The following FAT3 variants were observed in gnomAD, a reference collection of about 807,000 sequenced individuals.
FAT3 encodes protocadherin Fat 3.
A neutral mutation model predicts 310.2 loss-of-function variants in FAT3; 95 were observed. The observed-to-expected ratio is 0.31, with a 90% CI of 0.26 to 0.36. FAT3 has a LOEUF of 0.36. FAT3 is among the 10% of genes least tolerant of loss of function. The probability of loss-of-function intolerance (pLI) is 1.00; values close to 1 mark genes in which losing one functional copy is unlikely to be tolerated. For synonymous variants in FAT3, 2,314 were observed against 2,192.9 expected, an observed-to-expected ratio of 1.06 and a Z score of -1.54; for missense variants, 5,408 against 5,715.6, an observed-to-expected ratio of 0.95 and a Z score of 1.74.
At chr11:92,683,187 G>A (rs1186218125) in intron 3 of FAT3, among the ~76,000 whole-genome samples, 1 of 151,864 alleles carries the variant, frequency 6.6e-6, no homozygotes, top group Non-Finnish European at 1.5e-5. Context: ...TTCTGAGGAT[G>A]ACAGGAATGG....
chr11:92,387,063 AGTGTGTGTGTGTGTGTGTGTGTGTGTGT>A (rs67529435), intron 2 of FAT3, among the ~76,000 whole-genome samples: 6 of 144,158 alleles, frequency 4.2e-5, no homozygotes, highest in African/African-American at 1.6e-4. Flanking sequence ...TATGGGAGCT[AGTGTGTGTGTGTGTGTGTGTGTGTGTGT>A]GTGTGTGTGT....
chr11:92,409,568 A>C lies in FAT3; in HGVS notation c.3292+54164A>C, dbSNP rs563904024. Among the ~76,000 whole-genome samples the C allele has an allele frequency of 2.0e-5, 3 of 152,244 alleles. No homozygotes were observed. In the East Asian group the frequency reaches 5.8e-4, roughly 29 times the overall value. ...TGTAGAGCACTTGTCAGTTGGTGCT[A>C]TTTAATGTGACAGGAGGAGGAAAAA... On this transcript the variant is annotated intron_variant, in intron 2 of 27. Coordinates refer to ENST00000525166, the MANE Select transcript of FAT3 (RefSeq NM_001367949.2).
chr11:92,373,289 T>C (rs111702091), intron 2 of FAT3, among the ~76,000 whole-genome samples: 4 of 152,320 alleles, frequency 2.6e-5, no homozygotes, highest in East Asian at 3.9e-4. Flanking sequence ...ATTAAACTTA[T>C]GAGGTAGGTA....
At chr11:92,449,528 T>C (rs1224806420) in intron 2 of FAT3, among the ~76,000 whole-genome samples, 1 of 152,034 alleles carries the variant, frequency 6.6e-6, no homozygotes, top group South Asian at 2.1e-4. Flanking sequence ...TCCTTAGAAA[T>C]GAATAGAATG....
chr11:92,674,744 G>A (rs773823159), intron 3 of FAT3, among the ~76,000 whole-genome samples: 2 of 151,978 alleles, frequency 1.3e-5, no homozygotes, highest in Non-Finnish European at 2.9e-5. Context: ...GCTCAGCCTG[G>A]CCTCAAGCTC....
chr11:92,640,101 T>C (rs1157782827), intron 3 of FAT3, among the ~76,000 whole-genome samples: 1 of 152,140 alleles, frequency 6.6e-6, no homozygotes, highest in African/African-American at 2.4e-5. Context: ...TTTGCCCTTT[T>C]TTTCTTTAAA....
At chr11:92,727,635 C>T (rs1945037896) in intron 4 of FAT3, among the ~76,000 whole-genome samples, 1 of 152,074 alleles carries the variant, frequency 6.6e-6, no homozygotes, top group Non-Finnish European at 1.5e-5. Flanking sequence ...TTTGCAGAAC[C>T]GACATAGACC....
chr11:92,266,129 G>A (rs1945939418), intron 1 of FAT3, among the ~76,000 whole-genome samples: 1 of 152,132 alleles, frequency 6.6e-6, no homozygotes, highest in Non-Finnish European at 1.5e-5. Context: ...CTTGCAAGGA[G>A]ATTTATCTTA....
chr11:92,252,989 C>G (rs1215462789), intron 1 of FAT3, among the ~76,000 whole-genome samples: 1 of 152,102 alleles, frequency 6.6e-6, no homozygotes, highest in Non-Finnish European at 1.5e-5. Flanking sequence ...TTTGGCTTTT[C>G]CTAGGCAGCT....
At chr11:92,458,532 C>A (rs181265135) in intron 2 of FAT3, among the ~76,000 whole-genome samples, 8 of 152,190 alleles carry the variant, frequency 5.3e-5, no homozygotes, top group Admixed American at 5.2e-4. Flanking sequence ...TCTGAGAAAC[C>A]CAGTGTTCTT....
At chr11:92,781,775 G>A (rs566440626) in intron 7 of FAT3, among the ~76,000 whole-genome samples, 3 of 152,150 alleles carry the variant, frequency 2.0e-5, no homozygotes, top group Admixed American at 1.3e-4. Context: ...GATGAAATAC[G>A]CTATTACAAG....
At chr11:92,638,944 T>C (rs1330704940) in intron 3 of FAT3, among the ~76,000 whole-genome samples, 1 of 152,216 alleles carries the variant, frequency 6.6e-6, no homozygotes, top group African/African-American at 2.4e-5. Context: ...ATATAAGCCA[T>C]GTCTGACTAA....
At chr11:92,333,758 A>G (rs1477366365) in intron 1 of FAT3, among the ~76,000 whole-genome samples, 1 of 151,896 alleles carries the variant, frequency 6.6e-6, no homozygotes, top group Admixed American at 6.6e-5. Context: ...CCATGAAAAC[A>G]GTAGCAAGGC....
intron 3 of FAT3, among the ~76,000 whole-genome samples, chr11:92,591,933 T>A (rs1939445060): frequency 6.6e-6 from 1 of 152,146 alleles, no homozygotes; most frequent in African/African-American, 2.4e-5. Flanking sequence ...ATAGAATAAA[T>A]AAGACACATA....
intron 3 of FAT3, among the ~76,000 whole-genome samples, chr11:92,531,763 T>A (rs1954082016): frequency 6.7e-6 from 1 of 150,192 alleles, no homozygotes; most frequent in African/African-American, 2.5e-5. Context: ...ATAGCTTCAT[T>A]TTTTTTTTCA....
At chr11:92,443,780 G>C (rs930162602) in intron 2 of FAT3, among the ~76,000 whole-genome samples, 1 of 152,100 alleles carries the variant, frequency 6.6e-6, no homozygotes, top group Admixed American at 6.6e-5. Flanking sequence ...AGCATGAGGA[G>C]ATGGTTACGA....
intron 3 of FAT3, among the ~76,000 whole-genome samples, chr11:92,655,040 T>A (rs1385327832): frequency 1.3e-5 from 2 of 152,182 alleles, no homozygotes; most frequent in Non-Finnish European, 2.9e-5. Flanking sequence ...TGAAAGGTTA[T>A]TGCTTTCTGA....
rs543267763 is a variant in FAT3 at position 92,407,307 on chromosome 11, G to A, written c.3292+51903G>A. 3.0e-4 allele frequency among the ~76,000 whole-genome samples: 46 copies of A among 152,212 alleles called. 1 individual carries two copies. Among genetic ancestry groups the A allele is most frequent in the African/African-American group, 1.1e-3 (45 of 41,538 alleles). On this transcript the variant is annotated intron_variant, in intron 2 of 27. Transcript: ENST00000525166. The stretch of plus-strand genomic sequence containing the variant: ...GGAGGCTCCGGTATGCTAAAGACTG[G>A]AGCTGCAGTAGTGAGGGGGAAGGCA...
At chr11:92,467,187 A>C (rs1312833402) in intron 2 of FAT3, among the ~76,000 whole-genome samples, 1 of 152,148 alleles carries the variant, frequency 6.6e-6, no homozygotes, top group South Asian at 2.1e-4. Context: ...ACTAGTTTAC[A>C]GTCCCACCAA....
Sources: gnomAD v4.1 joint callset for allele counts (sites outside exome capture counted in the v4.1 genomes callset) on GRCh38, gnomAD v4.1.1 for gene constraint, MANE v1.5 for transcripts, NCBI Gene and HGNC (gene_info 2026-07-23, HGNC 2026-07-21) for gene names.